DHTKD1: variants seen among roughly 807,000 people sequenced by gnomAD.
The protein encoded by DHTKD1 is 2-oxoadipate dehydrogenase complex component E1.
A neutral mutation model predicts 101.8 loss-of-function variants in DHTKD1; 78 were observed. That is an observed-to-expected ratio of 0.77 (90% confidence interval 0.64 to 0.93). The LOEUF (loss-of-function observed/expected upper bound fraction) is 0.93. DHTKD1 is among the 40% of genes least tolerant of loss of function. The pLI is 0.00. For missense variants in DHTKD1, 1,223 were observed against 1,161.7 expected (o/e 1.05, Z -0.77); for synonymous variants, 462 against 450.3 (o/e 1.03, Z -0.33).
Position 12,087,659 on chromosome 10 carries a change from A to C in DHTKD1, c.647A>C (p.Asp216Ala). 1 of 1,613,922 alleles carries C rather than the reference A, an allele frequency of 6.2e-7. No homozygotes were observed. The highest frequency in any genetic ancestry group is 8.5e-7 in the Non-Finnish European group (1 of 1,179,948). The change falls in exon 4 of 17, where the codon GAT becomes GCT. Residue 216 changes from aspartate (D) to alanine (A), a missense_variant. Coordinates refer to ENST00000263035, the MANE Select transcript of DHTKD1 (RefSeq NM_018706.7). The surrounding 1 kb of genome is among the most constrained non-coding windows in gnomAD (Gnocchi z 5.2). ...ATGTCGGCCTACAGCGGGATCACTG[A>C]TGTCATTATTGGGATGCCCCATAGA... ...LKMSAYSGIT[D>A]VIIGMPHRGR...
chr10:12,118,814 T>G lies in DHTKD1; in HGVS notation c.2468T>G (p.Leu823Arg), dbSNP rs1316369479. Reference protein sequence around the residue: ...FYSLVKQRESLGAKKHDFAII... With the variant: ...FYSLVKQRESRGAKKHDFAII... ...TCCCTGGTGAAACAAAGAGAATCTC[T>G]GGGGGCCAAGAAGCATGACTTTGCC... The change falls in exon 15 of 17, where the codon CTG (leucine) becomes CGG (arginine). Residue 823 changes from leucine to arginine, a missense_variant. Physicochemically the swap from Leu to Arg is moderately radical, Grantham distance 102. Coordinates refer to ENST00000263035, the MANE Select transcript of DHTKD1 (RefSeq NM_018706.7). The G allele has an allele frequency of 3.7e-6, 6 of 1,608,366 alleles. No individual in the cohort carries two copies. Among genetic ancestry groups the G allele is most frequent in the Non-Finnish European group, 5.1e-6 (6 of 1,177,866 alleles).
At chr10:12,099,839 C>T (rs959341905) in intron 8 of DHTKD1, among the ~76,000 whole-genome samples, 27 of 137,556 alleles carry the variant, frequency 2.0e-4, no homozygotes, top group Non-Finnish European at 3.8e-4. Context: ...CTCTGTCGCC[C>T]AGGCTGTAGT....
At chr10:12,088,072 C>T (rs959659412) in intron 4 of DHTKD1, among the ~76,000 whole-genome samples, 1 of 152,082 alleles carries the variant, frequency 6.6e-6, no homozygotes, top group Non-Finnish European at 1.5e-5. Flanking sequence ...ATGATCTCAC[C>T]ACTGCACTCC....
intron 1 of DHTKD1, among the ~76,000 whole-genome samples, chr10:12,070,863 C>T (rs551936164): frequency 3.3e-5 from 5 of 152,288 alleles, no homozygotes; most frequent in African/African-American, 9.6e-5. Context: ...CCAACTTGAC[C>T]TCATCTTTCT....
At chr10:12,089,796 G>C (rs1012905448) in intron 5 of DHTKD1, among the ~76,000 whole-genome samples, 5 of 151,650 alleles carry the variant, frequency 3.3e-5, no homozygotes, top group Non-Finnish European at 7.4e-5. Context: ...TCAGCCTCCC[G>C]AGTAGCTGGG....
chr10:12,117,599 A>G, intron 13 of DHTKD1, 74 bp from the exon 14 acceptor site: 1 of 882,120 alleles, frequency 1.1e-6, no homozygotes, highest in Non-Finnish European at 1.9e-6. Context: ...CTCGTGTTTG[A>G]TAGCGGCCCT....
chr10:12,091,062 A>T (rs1832982991), intron 5 of DHTKD1, among the ~76,000 whole-genome samples: 1 of 152,040 alleles, frequency 6.6e-6, no homozygotes, highest in Non-Finnish European at 1.5e-5. Context: ...TCAAAAAAAA[A>T]CAAAAAAAGA....
Position 12,098,933 on chromosome 10 carries a change from G to A in DHTKD1, c.1671+937G>A, listed in dbSNP as rs181641940. On this transcript the variant is annotated intron_variant, in intron 8 of 16. Transcript: ENST00000263035. ...TATCTGTAATACCAGTGCTTTGGAA[G>A]GCCAAGGTGGAAGGATTGCTTGAGC... Among the ~76,000 whole-genome samples, 659 of 152,320 alleles carry A rather than the reference G, an allele frequency of 4.3e-3. 7 individuals are homozygous for A. The highest frequency in any genetic ancestry group is 0.012 in the African/African-American group (495 of 41,566).
chr10:12,110,422 C>G lies in DHTKD1; in HGVS notation c.2154+2407C>G, dbSNP rs535956709. Among the ~76,000 whole-genome samples, 35 of 148,756 alleles carry G rather than the reference C, an allele frequency of 2.4e-4. No homozygotes were observed. Among genetic ancestry groups the G allele is most frequent in the Admixed American group, 2.0e-3 (30 of 14,910 alleles). The stretch of plus-strand genomic sequence containing the variant: ...ATTTTATGTGTGGCACAAGACAATT[C>G]TTCTTCTTCCGGTGTGGCTCAGGTA... On this transcript the variant is annotated intron_variant, in intron 12 of 16. Transcript: ENST00000263035. The surrounding 1 kb of genome is among the most constrained non-coding windows in gnomAD (Gnocchi z 4.9).
Position 12,081,481 on chromosome 10 carries a change from G to T in DHTKD1, c.164G>T (p.Gly55Val). ...GALERPPVDHGLARLVTVYCE... is the reference protein window; with the variant it reads ...GALERPPVDHVLARLVTVYCE... ...TTTTCCCCTGATTTAGTTGATCATG[G>T]CCTTGCCAGGTTGGTGACAGTATAT... Residue 55 changes from glycine (G) to valine (V), a missense_variant, in exon 2 of 17, where the codon GGC (glycine) becomes GTC (valine). By Grantham distance (109) the Gly-to-Val change is moderately radical. Transcript: ENST00000263035. The T allele has an allele frequency of 6.2e-7, 1 of 1,613,988 alleles. No homozygotes were observed. Among genetic ancestry groups the T allele is most frequent in the Non-Finnish European group, 8.5e-7 (1 of 1,179,958 alleles).
At chr10:12,082,616 C>CTTT (rs71382616) in intron 2 of DHTKD1, among the ~76,000 whole-genome samples, 1 of 144,944 alleles carries the variant, frequency 6.9e-6, no homozygotes, top group Non-Finnish European at 1.5e-5. Context: ...TCTCTTTTTT[C>CTTT]TTTTTTTTTT....
intron 4 of DHTKD1, 72 bp from the exon 5 acceptor site, chr10:12,088,914 A>G (rs1832944003): frequency 1.4e-6 from 2 of 1,390,732 alleles, no homozygotes; most frequent in Non-Finnish European, 2.0e-6. Flanking sequence ...GTATGATTTC[A>G]ACTCAGCACT....
rs1015897058 is a variant in DHTKD1 at position 12,072,810 on chromosome 10, C to T, written c.154+3623C>T. Among the ~76,000 whole-genome samples the T allele has an allele frequency of 1.5e-4, 22 of 151,600 alleles. 1 individual carries two copies. The Admixed American group carries it at 1.5e-3, about 10-fold the overall frequency. ...GGAGTGCAATGGCACGATCTCAGCT[C>T]ACCACAACCTCTGCCTCCTGGGTTC... On this transcript the variant is annotated intron_variant, in intron 1 of 16. Coordinates refer to ENST00000263035, the MANE Select transcript of DHTKD1 (RefSeq NM_018706.7).
At chr10:12,117,375 G>A (rs1350363731) in intron 13 of DHTKD1, among the ~76,000 whole-genome samples, 1 of 149,324 alleles carries the variant, frequency 6.7e-6, no homozygotes, top group Non-Finnish European at 1.5e-5. Flanking sequence ...GGGGTGCAAA[G>A]GGAGTCTCGC....
chr10:12,102,210 G>T (rs540338842), intron 10 of DHTKD1, among the ~76,000 whole-genome samples: 1 of 151,952 alleles, frequency 6.6e-6, no homozygotes, highest in Admixed American at 6.6e-5. Context: ...CAGATCACAC[G>T]GTCAAGAGAT....
chr10:12,100,076 A>T, intron 8 of DHTKD1, 102 bp from the exon 9 acceptor site: 1 of 615,690 alleles, frequency 1.6e-6, no homozygotes, highest in South Asian at 2.3e-5. Context: ...GATTACAGGC[A>T]TGAGCCACCA....
At chr10:12,069,518 C>CTTTTTTTTTTTTTTTTT (rs10691718) in intron 1 of DHTKD1, among the ~76,000 whole-genome samples, 1 of 81,552 alleles carries the variant, frequency 1.2e-5, no homozygotes, top group Non-Finnish European at 2.2e-5. Flanking sequence ...TTTTTGTTTC[C>CTTTTTTTTTTTTTTTTT]TTTTTTTTTT....
chr10:12,085,293 G>A (rs1206005600), intron 3 of DHTKD1, among the ~76,000 whole-genome samples: 2 of 152,074 alleles, frequency 1.3e-5, no homozygotes, highest in African/African-American at 4.8e-5. Flanking sequence ...CTGGGTGACA[G>A]AGCGAGACTC....
In DHTKD1 at chr10:12,121,918, C is replaced by G. The variant is rs1833533224; in HGVS notation, c.*1030C>G. ...CAGCTCCGTGGAGATGACCTCAACACTGCCTCTTGATTTGTTTGATGCATG... is the reference window on the plus strand; with the variant it reads ...CAGCTCCGTGGAGATGACCTCAACAGTGCCTCTTGATTTGTTTGATGCATG... On this transcript the variant is annotated 3_prime_UTR_variant, in exon 17 of 17. Transcript: ENST00000263035. 1 of 152,180 alleles carries G rather than the reference C, an allele frequency of 6.6e-6. No individual in the cohort carries two copies. Among genetic ancestry groups the G allele is most frequent in the South Asian group, 2.1e-4 (1 of 4,832 alleles). The allele number at this position is 152,180 out of a possible 1,614,324, so 9.4% of individuals were successfully genotyped here. A position where few individuals can be genotyped will look rare whatever the true frequency, so the allele number is the denominator to read the frequency against.
Sources: gnomAD v4.1 joint callset for allele counts (sites outside exome capture counted in the v4.1 genomes callset) on GRCh38, gnomAD v4.1.1 for gene constraint, Gnocchi (gnomAD v3.1) non-coding constraint, MANE v1.5 for transcripts, NCBI Gene and HGNC (gene_info 2026-07-23, HGNC 2026-07-21) for gene names.